Variants in FRMPD1 observed in about 807,000 individuals in gnomAD.
FRMPD1 encodes FERM and PDZ domain containing 1.
In FRMPD1, 76 loss-of-function variants were observed where a neutral mutation model predicts 117.8. The ratio of observed to expected loss-of-function variants is 0.65; its 90% confidence interval spans 0.54 to 0.78. FRMPD1 has a LOEUF of 0.78. Among genes scored for constraint, FRMPD1 ranks in the 30% least tolerant of loss-of-function variants. The pLI is 0.00. For synonymous variants in FRMPD1, 783 were observed against 770.4 expected, an observed-to-expected ratio of 1.02 and a Z score of -0.27; for missense variants, 1,786 against 1,964.5, an observed-to-expected ratio of 0.91 and a Z score of 1.72.
the FRMPD1 span, among the ~76,000 whole-genome samples, chr9:37,608,115 C>T: frequency 2.0e-5 from 3 of 152,234 alleles, no homozygotes; most frequent in Admixed American, 6.5e-5. Flanking sequence ...ACGAAGGCTA[C>T]GTGAACAGGC....
chr9:37,622,109 T>C, the FRMPD1 span, among the ~76,000 whole-genome samples: 1 of 152,200 alleles, frequency 6.6e-6, no homozygotes, highest in Non-Finnish European at 1.5e-5. Flanking sequence ...TAGTGGATTA[T>C]GGGCATCTGA....
At chr9:37,721,822 A>G (rs936883062) in intron 6 of FRMPD1, among the ~76,000 whole-genome samples, 1 of 152,254 alleles carries the variant, frequency 6.6e-6, no homozygotes, top group Non-Finnish European at 1.5e-5. Context: ...CATTAAAATT[A>G]TGAACATTAA....
intron 3 of FRMPD1, 23 bp from the exon 4 acceptor site, chr9:37,708,376 A>G (rs369470583): frequency 4.8e-6 from 7 of 1,454,800 alleles, no homozygotes; most frequent in Admixed American, 3.4e-5. Context: ...ATGAGCACCA[A>G]TTACTTATTT....
chr9:37,726,172 C>T (rs1337331993), intron 7 of FRMPD1, among the ~76,000 whole-genome samples: 3 of 151,998 alleles, frequency 2.0e-5, no homozygotes, highest in Non-Finnish European at 4.4e-5. Context: ...TAGCTGTTTA[C>T]GACACAGAGA....
At chr9:37,658,058 A>G (rs1287886098) in intron 1 of FRMPD1, among the ~76,000 whole-genome samples, 1 of 152,050 alleles carries the variant, frequency 6.6e-6, no homozygotes, top group Non-Finnish European at 1.5e-5. Context: ...TATGACAGCT[A>G]GTTAGGCCAC....
At chr9:37,709,803 A>G (rs891085796) in intron 4 of FRMPD1, among the ~76,000 whole-genome samples, 2 of 152,152 alleles carry the variant, frequency 1.3e-5, no homozygotes, top group Non-Finnish European at 2.9e-5. Context: ...GTTTGCCTGC[A>G]GAAAAGTTCT....
chr9:37,635,602 G>C, the FRMPD1 span, among the ~76,000 whole-genome samples: 1 of 152,218 alleles, frequency 6.6e-6, no homozygotes, highest in Non-Finnish European at 1.5e-5. Flanking sequence ...GCAGCCCAGG[G>C]ACTTAAATAC....
At chr9:37,630,719 C>G in the FRMPD1 span, among the ~76,000 whole-genome samples, 1 of 152,150 alleles carries the variant, frequency 6.6e-6, no homozygotes, top group African/African-American at 2.4e-5. Flanking sequence ...TTTCTTATGA[C>G]CCCTGTGTCT....
intron 8 of FRMPD1, 71 bp downstream of exon 8, chr9:37,729,924 TGG>T: frequency 6.6e-7 from 1 of 1,525,986 alleles, no homozygotes; most frequent in Non-Finnish European, 8.9e-7. Context: ...CCAGAACCTC[TGG>T]GGACAGGGCT....
Position 37,737,087 on chromosome 9 carries a change from C to T in FRMPD1, c.1402-9C>T. On this transcript the variant is annotated splice_polypyrimidine_tract_variant and intron_variant, in intron 13 of 15. Transcript: ENST00000377765. The stretch of plus-strand genomic sequence containing the variant: ...TTGATAAACATGAGATTTCTATTTG[C>T]TTTCAAAGGTTCTGACTTTGCTGCT... The T allele has an allele frequency of 6.2e-7, 1 of 1,608,004 alleles. No homozygotes were observed. The highest frequency in any genetic ancestry group is 1.3e-5 in the African/African-American group (1 of 74,862).
At position 37,707,471 on chromosome 9, in the gene FRMPD1, C is replaced by G. The variant is rs776407042; in HGVS notation, c.157C>G (p.Pro53Ala). Residue 53 changes from proline (P) to alanine (A), a missense_variant, in exon 3 of 16, where the codon CCT becomes GCT. By Grantham distance (27) the Pro-to-Ala change is conservative. Transcript: ENST00000377765. ...PARNPTQTLI[P>A]VRHTVKIDKD... ...CAGGAACCCAACTCAGACCCTCATCCCTGTGCGACACACAGTAAAGATAGA... is the reference window on the plus strand; with the variant it reads ...CAGGAACCCAACTCAGACCCTCATCGCTGTGCGACACACAGTAAAGATAGA... 24 of 1,613,804 alleles carry G rather than the reference C, an allele frequency of 1.5e-5. No homozygotes were observed. The highest frequency in any genetic ancestry group is 2.0e-5 in the Non-Finnish European group (24 of 1,179,832).
intron 5 of FRMPD1, among the ~76,000 whole-genome samples, chr9:37,716,680 G>A (rs1346790246): frequency 6.6e-6 from 1 of 152,138 alleles, no homozygotes; most frequent in Non-Finnish European, 1.5e-5. Flanking sequence ...TCTTTGGGGG[G>A]TTGGTGGTTG....
rs1218095535 is a variant in FRMPD1 at position 37,735,809 on chromosome 9, G to A, written c.1401+75G>A. On this transcript the variant is annotated intron_variant, in intron 13 of 15. Transcript: ENST00000377765. ...AAATAGGGGCCAGGCTAGTTTATATGAATTTTAAATAATAATAAAGTCTAA... is the reference window on the plus strand; with the variant it reads ...AAATAGGGGCCAGGCTAGTTTATATAAATTTTAAATAATAATAAAGTCTAA... 6 of 962,490 alleles carry A rather than the reference G, an allele frequency of 6.2e-6. No individual in the cohort carries two copies. The Admixed American group carries it at 1.2e-4, about 19-fold the overall frequency. 59.6% of individuals were successfully genotyped at this position (962,490 alleles called of 1,614,324 possible). A position where few individuals can be genotyped will look rare whatever the true frequency, so the allele number is the denominator to read the frequency against.
At chr9:37,654,146 C>T (rs983259959) in intron 1 of FRMPD1, among the ~76,000 whole-genome samples, 1 of 152,194 alleles carries the variant, frequency 6.6e-6, no homozygotes, top group African/African-American at 2.4e-5. Flanking sequence ...GGCAAGGTCT[C>T]TACCTTCCTG....
chr9:37,709,960 T>C (rs1424700988), intron 4 of FRMPD1, among the ~76,000 whole-genome samples: 1 of 152,234 alleles, frequency 6.6e-6, no homozygotes, highest in Non-Finnish European at 1.5e-5. Flanking sequence ...CCCTCTGCTG[T>C]CTTTTGCATG....
the FRMPD1 span, among the ~76,000 whole-genome samples, chr9:37,609,203 A>G: frequency 6.6e-6 from 1 of 152,134 alleles, no homozygotes; most frequent in South Asian, 2.1e-4. Flanking sequence ...GAGGCAGGAG[A>G]ATCACTTGAA....
At chr9:37,608,527 G>T in the FRMPD1 span, among the ~76,000 whole-genome samples, 1 of 150,898 alleles carries the variant, frequency 6.6e-6, no homozygotes, top group African/African-American at 2.4e-5. Context: ...ATGGGGGGAG[G>T]GTAGTTGGTC....
rs111258392 is a variant in FRMPD1 at position 37,744,189 on chromosome 9, CA to C, written c.2357-193del. Among the ~76,000 whole-genome samples the C allele has an allele frequency of 6.4e-3, 975 of 151,622 alleles. 10 individuals carry two copies. The highest frequency in any genetic ancestry group is 0.022 in the African/African-American group (922 of 41,304). ...TGGGTGACAGAAAGAGACTCCGTCTCAAAAAAATAAAAAAAAATCTGTCACA... is the reference window on the plus strand; with the variant it reads ...TGGGTGACAGAAAGAGACTCCGTCTCAAAAAATAAAAAAAAATCTGTCACA... On this transcript the variant is annotated intron_variant, in intron 15 of 15. Coordinates refer to ENST00000377765, the MANE Select transcript of FRMPD1 (RefSeq NM_014907.3).
the FRMPD1 span, among the ~76,000 whole-genome samples, chr9:37,631,280 A>G: frequency 6.6e-6 from 1 of 152,262 alleles, no homozygotes; most frequent in Non-Finnish European, 1.5e-5. Flanking sequence ...TATCCCTACA[A>G]TGGGTGAATG....
Sources: allele counts gnomAD v4.1 joint callset (sites outside exome capture counted in the v4.1 genomes callset), GRCh38; gene constraint gnomAD v4.1.1; transcripts MANE v1.5; gene names NCBI Gene and HGNC (gene_info 2026-07-23, HGNC 2026-07-21).